The following SCHIP1 variants were observed in gnomAD, a reference collection of about 807,000 sequenced individuals.
SCHIP1 encodes schwannomin interacting protein 1.
A neutral mutation model predicts 29.7 loss-of-function variants in SCHIP1; 8 were observed. The observed-to-expected ratio is 0.27, with a 90% CI of 0.16 to 0.49. SCHIP1 has a LOEUF of 0.49. Ranked by LOEUF, SCHIP1 falls within the 20% of genes least tolerant of loss-of-function variation. SCHIP1 has a pLI of 0.99. For synonymous variants in SCHIP1, 76 were observed against 94.9 expected, an observed-to-expected ratio of 0.80 and a Z score of 1.16; for missense variants, 193 against 294.6, an observed-to-expected ratio of 0.66 and a Z score of 2.52.
the SCHIP1 span, among the ~76,000 whole-genome samples, chr3:159,394,628 C>A: frequency 6.6e-6 from 1 of 151,668 alleles, no homozygotes; most frequent in Non-Finnish European, 1.5e-5. Flanking sequence ...TATTGATTTG[C>A]GTATATTGAA....
chr3:159,855,219 T>A (rs1560083971), intron 1 of SCHIP1, among the ~76,000 whole-genome samples: 1 of 152,236 alleles, frequency 6.6e-6, no homozygotes, highest in African/African-American at 2.4e-5. Context: ...TTTCAAATGT[T>A]TATGTGTATC....
chr3:159,290,873 T>C, the SCHIP1 span, among the ~76,000 whole-genome samples: 1 of 152,114 alleles, frequency 6.6e-6, no homozygotes, highest in African/African-American at 2.4e-5. Context: ...AAATTCAGTA[T>C]AAAGCTAAAA....
At chr3:159,483,521 G>C in the SCHIP1 span, among the ~76,000 whole-genome samples, 2 of 152,122 alleles carry the variant, frequency 1.3e-5, no homozygotes, top group African/African-American at 4.8e-5. Flanking sequence ...AGCAGGATAT[G>C]CATGCCAACA....
At chr3:159,410,308 A>G in the SCHIP1 span, among the ~76,000 whole-genome samples, 1 of 152,180 alleles carries the variant, frequency 6.6e-6, no homozygotes, top group Admixed American at 6.5e-5. Flanking sequence ...GCTTCTGCAC[A>G]GCAAAGGAAA....
the SCHIP1 span, among the ~76,000 whole-genome samples, chr3:159,610,672 C>T: frequency 6.6e-6 from 1 of 152,138 alleles, no homozygotes; most frequent in Admixed American, 6.5e-5. Context: ...GGTTATATTG[C>T]TCCCTGCTAT....
chr3:159,868,061 A>G (rs1202478691), intron 2 of SCHIP1, among the ~76,000 whole-genome samples: 1 of 145,596 alleles, frequency 6.9e-6, no homozygotes, highest in Non-Finnish European at 1.5e-5. Context: ...CTATGTACAT[A>G]TACATATATA....
chr3:159,563,221 T>C, the SCHIP1 span, among the ~76,000 whole-genome samples: 1 of 152,200 alleles, frequency 6.6e-6, no homozygotes, highest in Non-Finnish European at 1.5e-5. Flanking sequence ...TACTTACATT[T>C]CTTTAATATT....
chr3:159,729,399 T>G, the SCHIP1 span, among the ~76,000 whole-genome samples: 1 of 152,050 alleles, frequency 6.6e-6, no homozygotes, highest in Non-Finnish European at 1.5e-5. Flanking sequence ...TATAAAACAA[T>G]GAAAAGGATG....
chr3:159,278,824 T>G, the SCHIP1 span, among the ~76,000 whole-genome samples: 1 of 152,122 alleles, frequency 6.6e-6, no homozygotes, highest in Non-Finnish European at 1.5e-5. Flanking sequence ...CAAACAGCAG[T>G]TTTTTTCCTG....
At chr3:159,583,632 A>T in the SCHIP1 span, among the ~76,000 whole-genome samples, 1 of 152,188 alleles carries the variant, frequency 6.6e-6, no homozygotes, top group Non-Finnish European at 1.5e-5. Flanking sequence ...TGACATGGTA[A>T]TTGCTTCAAA....
At chr3:159,399,044 C>T in the SCHIP1 span, 1 of 555,016 alleles carries the variant, frequency 1.8e-6, no homozygotes, top group Non-Finnish European at 2.3e-6. Flanking sequence ...CCCTCACTCC[C>T]CTCCAGCTAC....
At chr3:159,730,264 T>A in the SCHIP1 span, among the ~76,000 whole-genome samples, 6 of 152,276 alleles carry the variant, frequency 3.9e-5, no homozygotes, top group South Asian at 1.2e-3. Context: ...AATACCTCAA[T>A]CCAAATGGGA....
the SCHIP1 span, chr3:159,764,699 G>T: frequency 6.3e-7 from 1 of 1,577,014 alleles, no homozygotes; most frequent in East Asian, 2.3e-5. This position sits in a 1 kb window ranked among gnomAD's most constrained non-coding sequence, Gnocchi z 6.1. Flanking sequence ...GAGGACGAGC[G>T]CGACCAGCGA....
the SCHIP1 span, among the ~76,000 whole-genome samples, chr3:159,493,019 A>G: frequency 2.0e-5 from 3 of 152,220 alleles, no homozygotes; most frequent in Middle Eastern, 3.2e-3. Context: ...TAAGTGAAGG[A>G]GAAATAAAAT....
At chr3:159,554,000 GT>G in the SCHIP1 span, among the ~76,000 whole-genome samples, 1 of 125,608 alleles carries the variant, frequency 8.0e-6, no homozygotes, top group Non-Finnish European at 1.6e-5. Flanking sequence ...GTGTGTGTGT[GT>G]GTGTGTGTGT....
At chr3:159,554,000 GTGTGTGTGTGTGTGTGTGTTTGTGTA>G in the SCHIP1 span, among the ~76,000 whole-genome samples, 10 of 125,606 alleles carry the variant, frequency 8.0e-5, no homozygotes, top group Non-Finnish European at 1.1e-4. Flanking sequence ...GTGTGTGTGT[GTGTGTGTGTGTGTGTGTGTTTGTGTA>G]TGTGTGTGTG....
chr3:159,811,715 G>A, the SCHIP1 span, among the ~76,000 whole-genome samples: 2 of 152,280 alleles, frequency 1.3e-5, no homozygotes, highest in South Asian at 4.1e-4. Flanking sequence ...AAATTGGGAA[G>A]TCTTAAGTTT....
the SCHIP1 span, among the ~76,000 whole-genome samples, chr3:159,475,487 G>A: frequency 6.6e-6 from 1 of 152,114 alleles, no homozygotes. Context: ...GAAGAAAATG[G>A]TTGGAATTAG....
At chr3:159,278,785 G>A in the SCHIP1 span, among the ~76,000 whole-genome samples, 4 of 152,252 alleles carry the variant, frequency 2.6e-5, no homozygotes, top group Admixed American at 6.5e-5. Context: ...ATGCTGTAAC[G>A]AAGGGATCCC....
Sources: gnomAD v4.1 joint callset for allele counts (sites outside exome capture counted in the v4.1 genomes callset) on GRCh38, gnomAD v4.1.1 for gene constraint, Gnocchi (gnomAD v3.1) non-coding constraint, MANE v1.5 for transcripts, NCBI Gene and HGNC (gene_info 2026-07-23, HGNC 2026-07-21) for gene names.